The following GFRAL variants were observed in gnomAD, a reference collection of about 807,000 sequenced individuals.
GFRAL encodes the protein GDNF family receptor alpha-like.
Under a neutral mutation model 45.4 loss-of-function variants are expected in GFRAL, and 36 were observed. That is an observed-to-expected ratio of 0.79 (90% CI 0.61 to 1.05). The LOEUF is 1.05. GFRAL is among the 50% of genes least tolerant of loss of function. The probability of loss-of-function intolerance (pLI) is 0.00; values close to 1 mark genes in which losing one functional copy is unlikely to be tolerated. For missense variants in GFRAL, 507 were observed against 467.5 expected, an observed-to-expected ratio of 1.08 and a Z score of -0.78; for synonymous variants, 166 against 154.1, an observed-to-expected ratio of 1.08 and a Z score of -0.57.
intron 3 of GFRAL, among the ~76,000 whole-genome samples, chr6:55,342,572 A>G (rs1341472763): frequency 6.6e-6 from 1 of 152,190 alleles, no homozygotes; most frequent in African/African-American, 2.4e-5. Flanking sequence ...TGAAAAACTC[A>G]TGCCAAATTG....
chr6:55,361,652 T>A (rs550533037), intron 6 of GFRAL, among the ~76,000 whole-genome samples: 3 of 151,960 alleles, frequency 2.0e-5, no homozygotes, highest in Non-Finnish European at 4.4e-5. Flanking sequence ...AGAAACCAAA[T>A]CCTTAGGCCT....
In GFRAL at chr6:55,399,158, C is replaced by A. The variant is rs752680001; in HGVS notation, c.953-22C>A. On this transcript the variant is annotated intron_variant, in intron 6 of 8. Coordinates refer to ENST00000340465, the MANE Select transcript of GFRAL (RefSeq NM_207410.2). ...ATAATGTATGATATGTAACTAATCTCATTTTTATGATTTTCTTTCAGATTA... is the reference window on the plus strand; with the variant it reads ...ATAATGTATGATATGTAACTAATCTAATTTTTATGATTTTCTTTCAGATTA... 1.1e-5 allele frequency: 15 copies of A among 1,334,862 alleles called. No individual in the cohort carries two copies. In the South Asian group the frequency reaches 1.3e-4, roughly 12 times the overall value. The allele number at this position is 1,334,862 out of a possible 1,614,324, so 82.7% of individuals were successfully genotyped here. A position where few individuals can be genotyped will look rare whatever the true frequency, so the allele number is the denominator to read the frequency against.
At chr6:55,375,594 G>A (rs765668367) in intron 6 of GFRAL, among the ~76,000 whole-genome samples, 3 of 151,894 alleles carry the variant, frequency 2.0e-5, no homozygotes, top group Non-Finnish European at 4.4e-5. Flanking sequence ...CTTCCTATTT[G>A]AATACACTTT....
intron 3 of GFRAL, among the ~76,000 whole-genome samples, chr6:55,339,019 G>T (rs763330746): frequency 8.5e-5 from 13 of 152,150 alleles, no homozygotes; most frequent in Non-Finnish European, 1.3e-4. Flanking sequence ...CAGTTAAAAA[G>T]CCATCAAAAT....
At chr6:55,349,472 G>T (rs1031666588) in intron 3 of GFRAL, among the ~76,000 whole-genome samples, 3 of 151,984 alleles carry the variant, frequency 2.0e-5, no homozygotes, top group Admixed American at 6.6e-5. Flanking sequence ...TGGGCTGTGG[G>T]ATGCTCGATG....
At chr6:55,355,195 A>G (rs1184030426) in intron 5 of GFRAL, among the ~76,000 whole-genome samples, 2 of 151,678 alleles carry the variant, frequency 1.3e-5, no homozygotes, top group African/African-American at 2.4e-5. Flanking sequence ...ATAATTGCAT[A>G]TAAGAAAATT....
intron 3 of GFRAL, among the ~76,000 whole-genome samples, chr6:55,341,894 G>A (rs528206693): frequency 3.3e-5 from 5 of 152,244 alleles, no homozygotes; most frequent in African/African-American, 9.6e-5. Flanking sequence ...TTCAGTAGCC[G>A]ATTCGATCAA....
At chr6:55,330,391 A>G (rs1172426709) in intron 1 of GFRAL, among the ~76,000 whole-genome samples, 1 of 152,146 alleles carries the variant, frequency 6.6e-6, no homozygotes, top group South Asian at 2.1e-4. Flanking sequence ...GCACATGAAT[A>G]TATACACTAC....
intron 6 of GFRAL, among the ~76,000 whole-genome samples, chr6:55,390,508 T>C (rs1768734534): frequency 6.6e-6 from 1 of 152,128 alleles, no homozygotes; most frequent in Admixed American, 6.5e-5. Flanking sequence ...GAATATAATA[T>C]ATGTCCTTTC....
chr6:55,400,529 G>A (rs1053746057), intron 8 of GFRAL, among the ~76,000 whole-genome samples: 4 of 152,080 alleles, frequency 2.6e-5, no homozygotes, highest in Admixed American at 1.3e-4. Flanking sequence ...AGGTACATAC[G>A]GACATCCTAA....
intron 6 of GFRAL, among the ~76,000 whole-genome samples, chr6:55,380,015 G>T (rs1768587396): frequency 6.6e-6 from 1 of 151,902 alleles, no homozygotes; most frequent in Admixed American, 6.6e-5. Context: ...GTATTGCATT[G>T]TGTATGTATA....
intron 3 of GFRAL, among the ~76,000 whole-genome samples, chr6:55,341,305 G>C (rs950214954): frequency 6.6e-6 from 1 of 152,140 alleles, no homozygotes. Context: ...CACACAGCTG[G>C]GTACCCCTGT....
intron 6 of GFRAL, among the ~76,000 whole-genome samples, chr6:55,398,944 G>T (rs564388325): frequency 3.9e-5 from 6 of 152,038 alleles, no homozygotes; most frequent in Non-Finnish European, 8.8e-5. Context: ...TATAATCATT[G>T]TACTAATCTT....
Position 55,401,911 on chromosome 6 carries a change from T to G in GFRAL, c.*58T>G, listed in dbSNP as rs759865747. On this transcript the variant is annotated 3_prime_UTR_variant, in exon 9 of 9. Transcript: ENST00000340465. ...TCTTTTCTCTGCTTTTCTTCTTTCC[T>G]CTTTTCTTCTCTCCTCTCCTCTCCT... 1.6e-5 allele frequency: 13 copies of G among 836,138 alleles called. No homozygotes were observed. Among genetic ancestry groups the G allele is most frequent in the Non-Finnish European group, 2.3e-5 (11 of 488,692 alleles). 51.8% of individuals were successfully genotyped at this position (836,138 alleles called of 1,614,324 possible).
intron 6 of GFRAL, among the ~76,000 whole-genome samples, chr6:55,397,201 G>A (rs1486882172): frequency 6.6e-6 from 1 of 152,112 alleles, no homozygotes; most frequent in Non-Finnish European, 1.5e-5. Context: ...AATCCAATAT[G>A]CAAATTGGAG....
At position 55,402,320 on chromosome 6, in the gene GFRAL, C is replaced by T. The variant is rs1445529048; in HGVS notation, c.*467C>T. On this transcript the variant is annotated 3_prime_UTR_variant, in exon 9 of 9. Transcript: ENST00000340465. Reference sequence around the variant, plus strand: ...TAAAGCAAATCCTACAGCTGGTCAACACCCTATTCCATCTGTCATCGAGAA... The same window carrying T: ...TAAAGCAAATCCTACAGCTGGTCAATACCCTATTCCATCTGTCATCGAGAA... The T allele has an allele frequency of 1.3e-5, 2 of 152,432 alleles. No individual in the cohort carries two copies. The highest frequency in any genetic ancestry group is 2.9e-5 in the Non-Finnish European group (2 of 68,278). The allele number at this position is 152,432 out of a possible 1,614,324, so 9.4% of individuals were successfully genotyped here. A position where few individuals can be genotyped will look rare whatever the true frequency, so the allele number is the denominator to read the frequency against.
chr6:55,399,550 T>C, intron 8 of GFRAL, 109 bp downstream of exon 8: 1 of 778,638 alleles, frequency 1.3e-6, no homozygotes, highest in South Asian at 1.5e-5. Flanking sequence ...TGAAAGCTTC[T>C]CTGTTAAGAC....
At chr6:55,372,726 AGACAG>A in intron 6 of GFRAL, among the ~76,000 whole-genome samples, 1 of 152,136 alleles carries the variant, frequency 6.6e-6, no homozygotes, top group Non-Finnish European at 1.5e-5. Flanking sequence ...ATCTCCAGGG[AGACAG>A]GGAACTATAG....
At chr6:55,351,660 C>A in intron 5 of GFRAL, 77 bp downstream of exon 5, 2 of 1,003,044 alleles carry the variant, frequency 2.0e-6, no homozygotes, top group Non-Finnish European at 2.9e-6. Context: ...CACTTGATCT[C>A]ATAACATTAG....
Sources: gnomAD v4.1 joint callset for allele counts (sites outside exome capture counted in the v4.1 genomes callset) on GRCh38, gnomAD v4.1.1 for gene constraint, MANE v1.5 for transcripts, NCBI Gene and HGNC (gene_info 2026-07-23, HGNC 2026-07-21) for gene names.